Variants in ZNF761 observed in about 807,000 individuals in gnomAD.
ZNF761 encodes the protein zinc finger protein 761.
ZNF761 carries 43 observed loss-of-function variants against 59.9 expected under a neutral mutation model. The observed-to-expected ratio is 0.72, with a 90% CI of 0.56 to 0.92. The LOEUF (loss-of-function observed/expected upper bound fraction) is 0.92, where lower values mean the gene tolerates loss of function less well. Among genes scored for constraint, ZNF761 ranks in the 40% least tolerant of loss-of-function variants. The pLI is 0.00. For missense variants in ZNF761, 850 were observed against 906.1 expected, an observed-to-expected ratio of 0.94 and a Z score of 0.79; for synonymous variants, 294 against 304.8, an observed-to-expected ratio of 0.96 and a Z score of 0.37.
At position 53,456,302 on chromosome 19, in the gene ZNF761, A is replaced by T; in HGVS notation, c.1795A>T (p.Ile599Phe). 2 of 1,609,864 alleles carry T rather than the reference A, an allele frequency of 1.2e-6. No individual in the cohort carries two copies. The highest frequency in any genetic ancestry group is 1.7e-6 in the Non-Finnish European group (2 of 1,177,498). Reference sequence around the variant, plus strand: ...ATCAAACCTTGAAATACATCAGAAAATTCATACTGAAGAGAATCCTTACAA... The same window carrying T: ...ATCAAACCTTGAAATACATCAGAAATTTCATACTGAAGAGAATCCTTACAA... ...FKSNLEIHQKIHTEENPYKCN... is the reference protein window; with the variant it reads ...FKSNLEIHQKFHTEENPYKCN... The change falls in exon 5 of 5, where the codon ATT becomes TTT. Residue 599 changes from isoleucine (I) to phenylalanine (F), a missense_variant. Physicochemically the swap from Ile to Phe is conservative, Grantham distance 21. Coordinates refer to ENST00000684525, the MANE Select transcript of ZNF761 (RefSeq NM_001289951.2).
intron 4 of ZNF761, among the ~76,000 whole-genome samples, chr19:53,453,159 G>A (rs769666442): frequency 9.2e-5 from 14 of 151,926 alleles, no homozygotes; most frequent in Non-Finnish European, 1.2e-4. Flanking sequence ...CCACCACCAC[G>A]ACCAGCTAAT....
At chr19:53,443,236 T>C in intron 1 of ZNF761, 1 of 159,694 alleles carries the variant, frequency 6.3e-6, no homozygotes, top group East Asian at 1.9e-4. Context: ...CCTTATGTCA[T>C]CTGTGAACAT....
rs769487901 is a variant in ZNF761 at position 53,455,701 on chromosome 19, A to G, written c.1194A>G (p.Thr398=). 42 of 1,613,854 alleles carry G rather than the reference A, an allele frequency of 2.6e-5. No homozygotes were observed. The South Asian group carries it at 4.5e-4, about 17-fold the overall frequency. Residue 398 remains threonine, a synonymous_variant, in exon 5 of 5, where the codon ACA becomes ACG. Transcript: ENST00000684525. ...GKTFSHKSSL[T]CHRRLHTGEK... ...CCTTTAGTCACAAGTCATCCCTTAC[A>G]TGCCATCGTAGACTTCATACTGGAG...
At chr19:53,434,511 G>A (rs966938782) in intron 1 of ZNF761, among the ~76,000 whole-genome samples, 4 of 152,162 alleles carry the variant, frequency 2.6e-5, no homozygotes, top group African/African-American at 7.2e-5. Context: ...TTAGAGAAGA[G>A]AAACAGGAGA....
At chr19:53,439,014 C>T (rs2086071251) in intron 1 of ZNF761, among the ~76,000 whole-genome samples, 1 of 152,074 alleles carries the variant, frequency 6.6e-6, no homozygotes, top group African/African-American at 2.4e-5. Context: ...TGGTTTGCGC[C>T]TCTCATCCCA....
At chr19:53,447,372 C>T in intron 3 of ZNF761, 89 bp downstream of exon 3, 1 of 1,550,500 alleles carries the variant, frequency 6.4e-7, no homozygotes, top group Non-Finnish European at 8.9e-7. Flanking sequence ...GAGTCTGAAG[C>T]ATCCTGCCTG....
Position 53,455,381 on chromosome 19 carries a change from CA to C in ZNF761, c.875del (p.His292LeufsTer27). 6.2e-7 allele frequency: 1 copy of C among 1,614,132 alleles called. No individual in the cohort carries two copies. The highest frequency in any genetic ancestry group is 8.5e-7 in the Non-Finnish European group (1 of 1,180,040). On this transcript the variant is annotated frameshift_variant, in exon 5 of 5. Coordinates refer to ENST00000684525, the MANE Select transcript of ZNF761 (RefSeq NM_001289951.2). LOFTEE classifies it high-confidence loss of function. ...ATCCCTTACATGCCATCGTAGACTT[CA>C]TACTGGAGAGAAACCTTACAAATGT... Reference protein sequence around the residue: ...TSSLTCHRRLHTGEKPYKCEE... With the variant: ...TSSLTCHRRLXTGEKPYKCEE...
intron 1 of ZNF761, chr19:53,442,068 G>A (rs2086106836): frequency 1.9e-5 from 17 of 899,460 alleles, no homozygotes; most frequent in East Asian, 2.5e-5. Context: ...GCTCAGGAGC[G>A]CCTGGCCACT....
chr19:53,432,501 T>C (rs1172616315), intron 1 of ZNF761, among the ~76,000 whole-genome samples: 8 of 152,068 alleles, frequency 5.3e-5, no homozygotes, highest in South Asian at 2.1e-4. Context: ...CTCCACGGGT[T>C]TCGCCTCCAC....
intron 1 of ZNF761, among the ~76,000 whole-genome samples, chr19:53,436,821 G>A (rs191921302): frequency 3.9e-5 from 6 of 152,228 alleles, no homozygotes; most frequent in Middle Eastern, 3.4e-3. Context: ...TCTTGAAAAG[G>A]TGCAAATAAG....
intron 4 of ZNF761, 167 bp downstream of exon 4, chr19:53,449,805 C>G (rs1232995395): frequency 1.9e-5 from 27 of 1,427,924 alleles, no homozygotes; most frequent in Middle Eastern, 4.5e-4. Flanking sequence ...TGTCCCACCT[C>G]AGCCTCCCCC....
chr19:53,455,009 G>A lies in ZNF761; in HGVS notation c.502G>A (p.Val168Ile), dbSNP rs1984432. 0.75 allele frequency: 1,202,494 copies of A among 1,613,952 alleles called. 449,310 individuals carry two copies. The highest frequency in any genetic ancestry group is 0.84 in the African/African-American group (63,022 of 74,978). The change falls in exon 5 of 5, where the codon GTC becomes ATC. Residue 168 changes from valine (V) to isoleucine (I), a missense_variant. Coordinates refer to ENST00000684525, the MANE Select transcript of ZNF761 (RefSeq NM_001289951.2). ...EKIDNQVVKS[V>I]HDASLVSTAQ... ...AATTGATAATCAAGTTGTGAAGTCT[G>A]TCCACGATGCTTCCTTGGTTTCAAC...
chr19:53,435,316 TTTTTTG>T, intron 1 of ZNF761, among the ~76,000 whole-genome samples: 2 of 137,472 alleles, frequency 1.5e-5, no homozygotes, highest in Admixed American at 7.3e-5. Flanking sequence ...TTTTTTTTTT[TTTTTTG>T]AGATGGAGTT....
chr19:53,452,078 G>A (rs2086226758), intron 4 of ZNF761, among the ~76,000 whole-genome samples: 1 of 152,128 alleles, frequency 6.6e-6, no homozygotes, highest in Admixed American at 6.6e-5. Context: ...GCCACCCGAG[G>A]TGGCTCATAC....
intron 1 of ZNF761, among the ~76,000 whole-genome samples, chr19:53,435,595 G>GACCACA (rs1568799250): frequency 8.5e-5 from 13 of 152,068 alleles, no homozygotes; most frequent in Non-Finnish European, 1.3e-4. Flanking sequence ...GAGCAACTGT[G>GACCACA]CCTGGCCTTT....
intron 1 of ZNF761, among the ~76,000 whole-genome samples, chr19:53,435,091 G>T (rs1332965035): frequency 1.3e-5 from 2 of 152,134 alleles, no homozygotes; most frequent in East Asian, 3.9e-4. Context: ...GGTTGGACAA[G>T]CATCAAAATA....
intron 3 of ZNF761, among the ~76,000 whole-genome samples, chr19:53,448,565 T>C (rs1307099478): frequency 1.3e-5 from 2 of 152,176 alleles, no homozygotes; most frequent in Admixed American, 6.5e-5. Flanking sequence ...TTATGAGATA[T>C]AATCGATGAG....
chr19:53,454,604 A>G (rs759629266), intron 4 of ZNF761, 46 bp from the exon 5 acceptor site: 3 of 1,514,178 alleles, frequency 2.0e-6, no homozygotes, highest in Non-Finnish European at 2.7e-6. Context: ...AGCATTATTT[A>G]CCATCTGTAC....
chr19:53,450,042 C>G (rs577090384), intron 4 of ZNF761: 2 of 410,964 alleles, frequency 4.9e-6, no homozygotes, highest in Non-Finnish European at 8.6e-6. Flanking sequence ...TGGTGGCTCA[C>G]GCCTGTAATC....
Sources: allele counts gnomAD v4.1 joint callset (sites outside exome capture counted in the v4.1 genomes callset), GRCh38; gene constraint gnomAD v4.1.1; transcripts MANE v1.5; gene names NCBI Gene and HGNC (gene_info 2026-07-23, HGNC 2026-07-21).